Variants in FAT3 observed in about 807,000 individuals in gnomAD.
FAT3 encodes the protein FAT atypical cadherin 3, also known as protocadherin Fat 3.
In FAT3, 95 loss-of-function variants were observed where a neutral mutation model predicts 310.2. The ratio of observed to expected loss-of-function variants is 0.31; its 90% CI spans 0.26 to 0.36. The LOEUF is 0.36. FAT3 is among the 10% of genes least tolerant of loss of function. The probability of loss-of-function intolerance (pLI) is 1.00; values close to 1 mark genes in which losing one functional copy is unlikely to be tolerated. For synonymous variants in FAT3, 2,314 were observed against 2,192.9 expected, an observed-to-expected ratio of 1.06 and a Z score of -1.54; for missense variants, 5,408 against 5,715.6, an observed-to-expected ratio of 0.95 and a Z score of 1.74.
chr11:92,772,932 C>T (rs1946495346), intron 6 of FAT3, among the ~76,000 whole-genome samples: 1 of 151,918 alleles, frequency 6.6e-6, no homozygotes, highest in South Asian at 2.1e-4. Flanking sequence ...AAATGAAATG[C>T]AAAGATGTGG....
Position 92,765,837 on chromosome 11 carries a change from G to A in FAT3, c.4195+748G>A, listed in dbSNP as rs375058950. Among the ~76,000 whole-genome samples the A allele has an allele frequency of 1.7e-4, 26 of 152,010 alleles. No homozygotes were observed. The East Asian group carries it at 2.1e-3, about 12-fold the overall frequency. On this transcript the variant is annotated intron_variant, in intron 6 of 27. Coordinates refer to ENST00000525166, the MANE Select transcript of FAT3 (RefSeq NM_001367949.2). ...ATTTCTTTGCTTTTGAGGTATGTGG[G>A]CTTTTTGTTGTTTTGTTTTTATCTT... is the stretch of plus-strand genomic sequence containing the variant.
At chr11:92,497,401 T>C (rs1952798533) in intron 2 of FAT3, among the ~76,000 whole-genome samples, 1 of 152,046 alleles carries the variant, frequency 6.6e-6, no homozygotes, top group African/African-American at 2.4e-5. Flanking sequence ...GAAAAAATAA[T>C]ATTTTTTATG....
At chr11:92,447,965 G>A (rs1951260319) in intron 2 of FAT3, among the ~76,000 whole-genome samples, 2 of 152,064 alleles carry the variant, frequency 1.3e-5, no homozygotes, top group East Asian at 3.9e-4. Context: ...GTTTTTAAAG[G>A]TCATTCTCTA....
intron 18 of FAT3, among the ~76,000 whole-genome samples, chr11:92,843,493 C>A (rs1948597928): frequency 6.6e-6 from 1 of 152,174 alleles, no homozygotes. Flanking sequence ...TAAACTATGT[C>A]ATTTCTTAAA....
chr11:92,440,539 G>A (rs1040558512), intron 2 of FAT3, among the ~76,000 whole-genome samples: 3 of 152,120 alleles, frequency 2.0e-5, no homozygotes, highest in Non-Finnish European at 4.4e-5. Flanking sequence ...CATATGTGGC[G>A]TACATAGTTA....
At chr11:92,236,059 A>T (rs1253213466) in intron 1 of FAT3, among the ~76,000 whole-genome samples, 1 of 152,224 alleles carries the variant, frequency 6.6e-6, no homozygotes, top group East Asian at 1.9e-4. Flanking sequence ...TTATTATTAT[A>T]AGAATCCTTG....
At chr11:92,306,576 A>ATATATATTTATATTATATATAT in intron 1 of FAT3, among the ~76,000 whole-genome samples, 2 of 124,038 alleles carry the variant, frequency 1.6e-5, no homozygotes, top group Non-Finnish European at 3.2e-5. Flanking sequence ...ATTATATATT[A>ATATATATTTATATTATATATAT]TATATATTTA....
At position 92,705,379 on chromosome 11, in the gene FAT3, TTGGTGG is replaced by T. The variant is rs1187489448; in HGVS notation, c.3669+7946_3669+7951del. On this transcript the variant is annotated intron_variant, in intron 4 of 27. Coordinates refer to ENST00000525166, the MANE Select transcript of FAT3 (RefSeq NM_001367949.2). The stretch of plus-strand genomic sequence containing the variant: ...TAGTGTGATGGTGTTGGTGATGGTG[TTGGTGG>T]TGGTGGTGGTGATGGTGGTGGTGGT... 1.4e-4 allele frequency among the ~76,000 whole-genome samples: 9 copies of T among 66,058 alleles called. No homozygotes were observed. In the East Asian group the frequency reaches 3.3e-3, roughly 24 times the overall value. The allele number at this position is 66,058 out of a possible 152,430, so 43.3% of individuals were successfully genotyped here.
chr11:92,323,961 T>C (rs908087129), intron 1 of FAT3, among the ~76,000 whole-genome samples: 2 of 152,234 alleles, frequency 1.3e-5, no homozygotes, highest in African/African-American at 4.8e-5. Flanking sequence ...ACTGTTATGT[T>C]ATAGAGATGG....
chr11:92,291,954 T>A lies in FAT3; in HGVS notation c.-17-60142T>A, dbSNP rs552210625. On this transcript the variant is annotated intron_variant, in intron 1 of 27. Coordinates refer to ENST00000525166, the MANE Select transcript of FAT3 (RefSeq NM_001367949.2). Reference sequence around the variant, plus strand: ...AATTATTTTTTTCAAGGAAAAAATATCACTTTTAGCAATATCATGGTTTTT... The same window carrying A: ...AATTATTTTTTTCAAGGAAAAAATAACACTTTTAGCAATATCATGGTTTTT... Among the ~76,000 whole-genome samples, 4 of 152,174 alleles carry A rather than the reference T, an allele frequency of 2.6e-5. No individual in the cohort carries two copies. The East Asian group carries it at 7.7e-4, about 29-fold the overall frequency.
At position 92,315,508 on chromosome 11, in the gene FAT3, TATATAGAGAGAGAG is replaced by T. The variant is rs1428999193; in HGVS notation, c.-17-36586_-17-36573del. The stretch of plus-strand genomic sequence containing the variant: ...ATATATATATATATATATATATATA[TATATAGAGAGAGAG>T]AGAGAGAGAGAGAGAGAGAGAGAGA... On this transcript the variant is annotated intron_variant, in intron 1 of 27. Coordinates refer to ENST00000525166, the MANE Select transcript of FAT3 (RefSeq NM_001367949.2). 3.9e-3 allele frequency among the ~76,000 whole-genome samples: 324 copies of T among 83,230 alleles called. 2 individuals carry two copies. Among genetic ancestry groups the T allele is most frequent in the African/African-American group, 0.016 (307 of 19,404 alleles). 54.6% of individuals were successfully genotyped at this position (83,230 alleles called of 152,430 possible). A position where few individuals can be genotyped will look rare whatever the true frequency, so the allele number is the denominator to read the frequency against.
intron 4 of FAT3, among the ~76,000 whole-genome samples, chr11:92,733,870 T>G (rs1945263400): frequency 6.6e-6 from 1 of 152,228 alleles, no homozygotes; most frequent in Admixed American, 6.5e-5. Context: ...CTTCTTGATA[T>G]TCTTTATTTC....
chr11:92,867,820 C>A (rs906759956), intron 22 of FAT3, among the ~76,000 whole-genome samples: 1 of 152,084 alleles, frequency 6.6e-6, no homozygotes, highest in Non-Finnish European at 1.5e-5. Context: ...TTACTAAAAT[C>A]TCAGGACAAA....
At position 92,891,384 on chromosome 11, in the gene FAT3, A is replaced by G. The variant is rs149519940; in HGVS notation, c.*271A>G. On this transcript the variant is annotated 3_prime_UTR_variant, in exon 28 of 28. Coordinates refer to ENST00000525166, the MANE Select transcript of FAT3 (RefSeq NM_001367949.2). ...CAGCTAAAAATGCAAAGAGGGAAAA[A>G]TTATTTCACCCACTAAGTTATACAG... 1.1e-3 allele frequency: 515 copies of G among 483,098 alleles called. 3 individuals are homozygous for G. The highest frequency in any genetic ancestry group is 9.1e-3 in the African/African-American group (466 of 51,208). 29.9% of individuals were successfully genotyped at this position (483,098 alleles called of 1,614,324 possible).
chr11:92,756,114 G>C (rs2136068506), intron 4 of FAT3, among the ~76,000 whole-genome samples: 1 of 152,314 alleles, frequency 6.6e-6, no homozygotes, highest in African/African-American at 2.4e-5. Context: ...TAACGATAAA[G>C]TGTCAAGGAC....
intron 2 of FAT3, among the ~76,000 whole-genome samples, chr11:92,425,499 T>A (rs1950612757): frequency 6.6e-6 from 1 of 152,084 alleles, no homozygotes; most frequent in Non-Finnish European, 1.5e-5. Flanking sequence ...CAACCCGTCA[T>A]CTACATTAGG....
At chr11:92,434,817 T>C (rs528392847) in intron 2 of FAT3, among the ~76,000 whole-genome samples, 1 of 152,320 alleles carries the variant, frequency 6.6e-6, no homozygotes, top group Admixed American at 6.5e-5. Context: ...CAGGTGTTTA[T>C]TTTTATTAAT....
intron 3 of FAT3, among the ~76,000 whole-genome samples, chr11:92,640,625 T>C (rs560278866): frequency 1.2e-4 from 19 of 152,300 alleles, no homozygotes; most frequent in African/African-American, 4.3e-4. Context: ...TGCCAGATAG[T>C]CCTTTAAATA....
intron 1 of FAT3, among the ~76,000 whole-genome samples, chr11:92,298,215 C>G (rs1342986832): frequency 2.0e-5 from 3 of 152,090 alleles, no homozygotes; most frequent in Non-Finnish European, 2.9e-5. Context: ...AATAAGGTAG[C>G]AAATCTTTAA....
Sources: gnomAD v4.1 joint callset for allele counts (sites outside exome capture counted in the v4.1 genomes callset) on GRCh38, gnomAD v4.1.1 for gene constraint, MANE v1.5 for transcripts, NCBI Gene and HGNC (gene_info 2026-07-23, HGNC 2026-07-21) for gene names.